The following ST7 variants were observed in gnomAD, a reference collection of about 807,000 sequenced individuals.
ST7 encodes the protein suppression of tumorigenicity 7, also known as suppressor of tumorigenicity 7 protein.
In ST7, 28 loss-of-function variants were observed where a neutral mutation model predicts 78.7. The ratio of observed to expected loss-of-function variants is 0.36; its 90% CI spans 0.26 to 0.49. ST7 has a LOEUF of 0.49. Among genes scored for constraint, ST7 ranks in the 20% least tolerant of loss-of-function variants. ST7 has a pLI of 0.99. For missense variants in ST7, 418 were observed against 696.0 expected, an observed-to-expected ratio of 0.60 and a Z score of 4.49; for synonymous variants, 247 against 249.6, an observed-to-expected ratio of 0.99 and a Z score of 0.10.
intron 1 of ST7, among the ~76,000 whole-genome samples, chr7:117,017,025 A>C (rs1168451832): frequency 3.3e-5 from 5 of 152,170 alleles, no homozygotes; most frequent in Non-Finnish European, 7.4e-5. Context: ...TAAGGGGCCC[A>C]AAACACTTCT....
chr7:117,044,417 G>A (rs927152297), intron 1 of ST7, among the ~76,000 whole-genome samples: 1 of 152,298 alleles, frequency 6.6e-6, no homozygotes, highest in Middle Eastern at 3.4e-3. Flanking sequence ...CACAAGCTCA[G>A]CTCACTGCAA....
At chr7:117,177,111 G>A (rs781017461) in intron 10 of ST7, among the ~76,000 whole-genome samples, 30 of 152,316 alleles carry the variant, frequency 2.0e-4, no homozygotes, top group Non-Finnish European at 3.2e-4. Flanking sequence ...CTGAGAAATG[G>A]TGGTCCTGCA....
Position 117,117,846 on chromosome 7 carries a change from A to T in ST7, c.235-1715A>T, listed in dbSNP as rs561290272. The stretch of plus-strand genomic sequence containing the variant: ...AAATTCAGGACCCTTGAGATAAATA[A>T]CAAATATGATTTCCACTTACAGTTG... On this transcript the variant is annotated intron_variant, in intron 2 of 15. Transcript: ENST00000323984. 3.9e-5 allele frequency: 6 copies of T among 152,324 alleles called. No homozygotes were observed. The East Asian group carries it at 1.2e-3, about 29-fold the overall frequency. 9.4% of individuals were successfully genotyped at this position (152,324 alleles called of 1,614,324 possible). A position where few individuals can be genotyped will look rare whatever the true frequency, so the allele number is the denominator to read the frequency against.
chr7:117,049,960 A>G (rs1470038348), intron 1 of ST7, among the ~76,000 whole-genome samples: 2 of 151,530 alleles, frequency 1.3e-5, no homozygotes, highest in African/African-American at 2.4e-5. Flanking sequence ...TAATCCCTGC[A>G]CTTTGGGAGG....
chr7:117,027,093 G>C (rs1796221293), intron 1 of ST7, among the ~76,000 whole-genome samples: 1 of 152,238 alleles, frequency 6.6e-6, no homozygotes. Context: ...TGTTTTCCAT[G>C]TAAGTATGAG....
At chr7:117,001,292 T>C (rs907275312) in intron 1 of ST7, among the ~76,000 whole-genome samples, 2 of 148,994 alleles carry the variant, frequency 1.3e-5, no homozygotes, top group East Asian at 4.0e-4. Flanking sequence ...AGAATGTATG[T>C]ATTTGTATAT....
intron 13 of ST7, among the ~76,000 whole-genome samples, chr7:117,212,291 A>G (rs1792360051): frequency 6.6e-6 from 1 of 152,224 alleles, no homozygotes. Context: ...AAGAGAGGAA[A>G]CAGGTTCATT....
At chr7:117,117,130 C>G (rs765934863) in intron 2 of ST7, among the ~76,000 whole-genome samples, 6 of 152,168 alleles carry the variant, frequency 3.9e-5, no homozygotes, top group Non-Finnish European at 5.9e-5. Flanking sequence ...TGACTTTGGT[C>G]AGGTCATTGT....
At chr7:117,108,652 AT>A (rs981376862) in intron 2 of ST7, among the ~76,000 whole-genome samples, 5 of 151,936 alleles carry the variant, frequency 3.3e-5, no homozygotes, top group Non-Finnish European at 7.4e-5. Flanking sequence ...TTTGATGGGA[AT>A]TGCATTGAAT....
chr7:117,195,052 A>G (rs1326123886), intron 12 of ST7, among the ~76,000 whole-genome samples: 1 of 152,218 alleles, frequency 6.6e-6, no homozygotes, highest in Non-Finnish European at 1.5e-5. Context: ...GGCAGTATTA[A>G]ATATGTCTTT....
At chr7:117,211,667 TATCACCATAGAAAAATGGC>T (rs1354002407) in intron 13 of ST7, among the ~76,000 whole-genome samples, 1 of 151,782 alleles carries the variant, frequency 6.6e-6, no homozygotes, top group Non-Finnish European at 1.5e-5. Flanking sequence ...AAAGACATGG[TATCACCATAGAAAAATGGC>T]ATCACCATAG....
intron 10 of ST7, among the ~76,000 whole-genome samples, chr7:117,185,765 A>G (rs541267742): frequency 6.6e-6 from 1 of 152,228 alleles, no homozygotes; most frequent in South Asian, 2.1e-4. Context: ...TCTACTAAAA[A>G]TACAAAAATT....
intron 1 of ST7, among the ~76,000 whole-genome samples, chr7:116,980,060 G>A (rs2116320652): frequency 6.8e-6 from 1 of 146,322 alleles, no homozygotes; most frequent in East Asian, 2.0e-4. Context: ...CTGGATTCAA[G>A]CAATTCCCCT....
At chr7:117,150,126 T>C (rs1024121369) in intron 9 of ST7, among the ~76,000 whole-genome samples, 2 of 152,186 alleles carry the variant, frequency 1.3e-5, no homozygotes, top group Admixed American at 1.3e-4. Context: ...CTCTGCCTGA[T>C]ATCCCTGGTT....
At position 116,953,598 on chromosome 7, in the gene ST7, T is replaced by C. The variant is rs1294460445; in HGVS notation, c.58T>C (p.Trp20Arg). 1 of 1,505,356 alleles carries C rather than the reference T, an allele frequency of 6.6e-7. No individual in the cohort carries two copies. The highest frequency in any genetic ancestry group is 9.0e-7 in the Non-Finnish European group (1 of 1,114,644). The allele number at this position is 1,505,356 out of a possible 1,614,324, so 93.2% of individuals were successfully genotyped here. The stretch of plus-strand genomic sequence containing the variant: ...GCTCAAGTCCTGCATAGTTTGGTCT[T>C]GGACGTATCTGTGGACCGTGTGGTT... ...EQLKSCIVWS[W>R]TYLWTVWFFI... Residue 20 changes from tryptophan to arginine, a missense_variant, in exon 1 of 16, where the codon TGG becomes CGG. Coordinates refer to ENST00000323984, the MANE Select transcript of ST7 (RefSeq NM_001369598.1).
chr7:117,205,281 G>A (rs1791647104), intron 12 of ST7, among the ~76,000 whole-genome samples: 1 of 152,062 alleles, frequency 6.6e-6, no homozygotes, highest in South Asian at 2.1e-4. Context: ...ATTTAGCAAT[G>A]TATGATGAAC....
intron 1 of ST7, chr7:117,080,781 G>A (rs905999979): frequency 2.0e-5 from 3 of 152,060 alleles, no homozygotes; most frequent in Admixed American, 6.5e-5. Flanking sequence ...CTGCATTTAG[G>A]TACTTAAATA....
chr7:117,176,230 C>T (rs38861), intron 10 of ST7, among the ~76,000 whole-genome samples: 2 of 152,054 alleles, frequency 1.3e-5, no homozygotes, highest in Non-Finnish European at 2.9e-5. Context: ...CCTTCTCAAA[C>T]GAACTAGGGA....
chr7:117,153,776 G>C (rs1382125136), intron 9 of ST7, among the ~76,000 whole-genome samples: 1 of 152,212 alleles, frequency 6.6e-6, no homozygotes, highest in African/African-American at 2.4e-5. Context: ...GTATAAAATA[G>C]ATTCAATTGT....
Sources: allele counts gnomAD v4.1 joint callset (sites outside exome capture counted in the v4.1 genomes callset), GRCh38; gene constraint gnomAD v4.1.1; transcripts MANE v1.5; gene names NCBI Gene and HGNC (gene_info 2026-07-23, HGNC 2026-07-21).